EFNA5: variants seen among roughly 807,000 people sequenced by gnomAD.
The protein encoded by EFNA5 is ephrin-A5.
Under a neutral mutation model 22.9 loss-of-function variants are expected in EFNA5, and 5 were observed. That is an observed-to-expected ratio of 0.22 (90% CI 0.11 to 0.46). The LOEUF is 0.46. Among genes scored for constraint, EFNA5 ranks in the 20% least tolerant of loss-of-function variants. The pLI is 0.99. For synonymous variants in EFNA5, 113 were observed against 112.2 expected (o/e 1.01, Z -0.04); for missense variants, 237 against 293.3 (o/e 0.81, Z 1.40).
intron 1 of EFNA5, among the ~76,000 whole-genome samples, chr5:107,524,505 C>T (rs577406079): frequency 6.6e-6 from 1 of 152,190 alleles, no homozygotes; most frequent in Non-Finnish European, 1.5e-5. Context: ...TATACATCAT[C>T]TACTATTTAC....
At chr5:107,542,165 A>G (rs1341741166) in intron 1 of EFNA5, among the ~76,000 whole-genome samples, 1 of 152,170 alleles carries the variant, frequency 6.6e-6, no homozygotes, top group Non-Finnish European at 1.5e-5. Flanking sequence ...GGAAAATAAT[A>G]TGTCTTCTTA....
At chr5:107,481,102 T>A (rs1750447429) in intron 1 of EFNA5, among the ~76,000 whole-genome samples, 1 of 152,106 alleles carries the variant, frequency 6.6e-6, no homozygotes, top group Admixed American at 6.6e-5. Context: ...CTAAGAGGTG[T>A]GCAGCAAGCA....
intron 1 of EFNA5, among the ~76,000 whole-genome samples, chr5:107,566,752 C>T (rs1053875944): frequency 3.9e-5 from 6 of 152,148 alleles, no homozygotes; most frequent in Non-Finnish European, 5.9e-5. Context: ...GCCTGCGATA[C>T]CATTTGGGTT....
intron 1 of EFNA5, among the ~76,000 whole-genome samples, chr5:107,637,995 T>A (rs164687): frequency 2.0e-5 from 3 of 150,354 alleles, no homozygotes; most frequent in African/African-American, 7.3e-5. Context: ...TACACGCACC[T>A]GCCACCACGC....
At chr5:107,511,991 C>T (rs572249745) in intron 1 of EFNA5, among the ~76,000 whole-genome samples, 2 of 152,296 alleles carry the variant, frequency 1.3e-5, no homozygotes, top group African/African-American at 4.8e-5. Flanking sequence ...TAAGATCTTG[C>T]TCACAAAACA....
intron 1 of EFNA5, among the ~76,000 whole-genome samples, chr5:107,433,519 G>T (rs1184795759): frequency 6.6e-6 from 1 of 152,204 alleles, no homozygotes; most frequent in Non-Finnish European, 1.5e-5. Flanking sequence ...CTTCTGGAAA[G>T]TGTGTTTGTT....
At chr5:107,441,848 G>C (rs1185207250) in intron 1 of EFNA5, among the ~76,000 whole-genome samples, 1 of 152,058 alleles carries the variant, frequency 6.6e-6, no homozygotes, top group Non-Finnish European at 1.5e-5. Context: ...ATCACATGTG[G>C]AAAATTGTGT....
At chr5:107,455,621 T>C (rs1371348668) in intron 1 of EFNA5, among the ~76,000 whole-genome samples, 2 of 152,168 alleles carry the variant, frequency 1.3e-5, no homozygotes, top group African/African-American at 2.4e-5. Context: ...CTTTATCAAA[T>C]AAATTACCTA....
intron 1 of EFNA5, among the ~76,000 whole-genome samples, chr5:107,657,269 A>T (rs1474055871): frequency 6.6e-6 from 1 of 152,268 alleles, no homozygotes; most frequent in African/African-American, 2.4e-5. Context: ...CAACAAATCC[A>T]TTCCTATTCC....
At chr5:107,523,647 C>G (rs1176274530) in intron 1 of EFNA5, among the ~76,000 whole-genome samples, 1 of 152,240 alleles carries the variant, frequency 6.6e-6, no homozygotes, top group Non-Finnish European at 1.5e-5. Context: ...AGATTACATT[C>G]AGTTACCCGA....
At chr5:107,667,675 A>T (rs1200220807) in intron 1 of EFNA5, among the ~76,000 whole-genome samples, 1 of 152,182 alleles carries the variant, frequency 6.6e-6, no homozygotes, top group Admixed American at 6.5e-5. Context: ...TTATATTCTG[A>T]GGGAAAAATA....
At chr5:107,642,783 T>C (rs1750554450) in intron 1 of EFNA5, among the ~76,000 whole-genome samples, 1 of 152,154 alleles carries the variant, frequency 6.6e-6, no homozygotes, top group Non-Finnish European at 1.5e-5. Flanking sequence ...TCCTTGGCAC[T>C]AGGATTTTCT....
At chr5:107,601,805 A>C (rs1359904759) in intron 1 of EFNA5, among the ~76,000 whole-genome samples, 1 of 152,174 alleles carries the variant, frequency 6.6e-6, no homozygotes, top group Non-Finnish European at 1.5e-5. Flanking sequence ...CACCTAGATA[A>C]TTTGTGGAGG....
chr5:107,447,057 T>C (rs1372234781), intron 1 of EFNA5, among the ~76,000 whole-genome samples: 1 of 152,166 alleles, frequency 6.6e-6, no homozygotes, highest in Non-Finnish European at 1.5e-5. Flanking sequence ...TATTTTCATC[T>C]CTCTGACCCA....
chr5:107,425,749 TATC>T (rs1235382215), intron 2 of EFNA5, among the ~76,000 whole-genome samples: 1 of 152,232 alleles, frequency 6.6e-6, no homozygotes, highest in Non-Finnish European at 1.5e-5. Flanking sequence ...AAGTGACAGT[TATC>T]ATTGTGATGG....
intron 1 of EFNA5, among the ~76,000 whole-genome samples, chr5:107,609,416 C>T (rs903406044): frequency 1.3e-5 from 2 of 152,018 alleles, no homozygotes; most frequent in African/African-American, 2.4e-5. Context: ...CCTGCCTTCC[C>T]GTGACTTGGC....
chr5:107,549,611 C>A (rs1205121436), intron 1 of EFNA5, among the ~76,000 whole-genome samples: 2 of 152,254 alleles, frequency 1.3e-5, no homozygotes, highest in Non-Finnish European at 2.9e-5. Flanking sequence ...CTCTATCTCA[C>A]AGTCATCAAA....
intron 1 of EFNA5, among the ~76,000 whole-genome samples, chr5:107,567,130 G>T (rs540474877): frequency 1.3e-5 from 2 of 152,184 alleles, no homozygotes; most frequent in Admixed American, 1.3e-4. Context: ...GTTGTCCTAT[G>T]TGTATGTAGC....
At chr5:107,556,930 C>T (rs1287082494) in intron 1 of EFNA5, among the ~76,000 whole-genome samples, 4 of 151,534 alleles carry the variant, frequency 2.6e-5, no homozygotes, top group Non-Finnish European at 5.9e-5. Flanking sequence ...TTTTTTTAAT[C>T]TAAATTTTGA....
Sources: allele counts gnomAD v4.1 joint callset (sites outside exome capture counted in the v4.1 genomes callset), GRCh38; gene constraint gnomAD v4.1.1; transcripts MANE v1.5; gene names NCBI Gene and HGNC (gene_info 2026-07-23, HGNC 2026-07-21).